The following SLC2A14 variants were observed in gnomAD, a reference collection of about 807,000 sequenced individuals.
SLC2A14 encodes solute carrier family 2, facilitated glucose transporter member 14.
In SLC2A14, 13 loss-of-function variants were observed where a neutral mutation model predicts 43.0. The observed-to-expected ratio is 0.30, with a 90% CI of 0.20 to 0.48. SLC2A14 has a LOEUF of 0.48. SLC2A14 is among the 20% of genes least tolerant of loss of function. The pLI, the probability that SLC2A14 is intolerant of heterozygous loss-of-function variation, is 0.99. For synonymous variants in SLC2A14, 190 were observed against 233.8 expected (o/e 0.81, Z 1.71); for missense variants, 428 against 620.4 (o/e 0.69, Z 3.29).
rs774810694 is a variant in SLC2A14 at position 7,883,016 on chromosome 12, C to G, written c.132+7980G>C. ...ACAAGGTCAGGAGTTCAAGACCATC[C>G]TGGCCAACATGGTGAAACCCTGTCT... is the stretch of plus-strand genomic sequence containing the variant. On this transcript the variant is annotated intron_variant, in intron 1 of 9. Coordinates refer to the SLC2A14 transcript ENST00000539924. 1.8e-4 allele frequency among the ~76,000 whole-genome samples: 27 copies of G among 151,914 alleles called. No homozygotes were observed. The South Asian group carries it at 2.1e-3, about 12-fold the overall frequency.
chr12:7,829,719 T>G, intron 5 of SLC2A14, 47 bp downstream of exon 5: 1 of 1,601,026 alleles, frequency 6.2e-7, no homozygotes, highest in Non-Finnish European at 8.5e-7. Flanking sequence ...ACTTTTTTAA[T>G]GACCCATGAA....
upstream of SLC2A14, among the ~76,000 whole-genome samples, chr12:7,874,914 TATAA>T (rs1164772744): frequency 1.0e-5 from 1 of 96,024 alleles, no homozygotes; most frequent in Non-Finnish European, 1.8e-5. Flanking sequence ...TAAATACATA[TATAA>T]ATATATATTT....
rs1945133033 is a variant in SLC2A14 at position 7,869,885 on chromosome 12, C to G, written c.-5G>C. 5 of 1,528,604 alleles carry G rather than the reference C, an allele frequency of 3.3e-6. No individual in the cohort carries two copies. Among genetic ancestry groups the G allele is most frequent in the East Asian group, 2.4e-5 (1 of 40,860 alleles). 94.7% of individuals were successfully genotyped at this position (1,528,604 alleles called of 1,614,324 possible). ...CACATTCTGTCTGTTGTCCATCTCT[C>G]TGCTATCCTAGGAATTGACTCCCTC... On this transcript the variant is annotated 5_prime_UTR_variant, in exon 2 of 11. Coordinates refer to ENST00000431042, the MANE Select transcript of SLC2A14 (RefSeq NM_001286234.2).
intron 10 of SLC2A14, 128 bp downstream of exon 10, chr12:7,817,703 G>C: frequency 8.8e-7 from 1 of 1,133,244 alleles, no homozygotes; most frequent in East Asian, 2.7e-5. Context: ...AGCTGAGATC[G>C]GGCAACTGCA....
intron 2 of SLC2A14, chr12:7,863,500 G>T (rs1944723798): frequency 2.3e-6 from 1 of 431,586 alleles, no homozygotes; most frequent in Non-Finnish European, 4.6e-6. Context: ...GCTGGTGCAT[G>T]CCTGTAGTCC....
In SLC2A14 at chr12:7,835,650, T is replaced by C. The variant is rs553275525; in HGVS notation, c.19-2836A>G. On this transcript the variant is annotated intron_variant, in intron 2 of 10. Transcript: ENST00000431042. ...ATGATAACCAGGTGGAAAACAAACA[T>C]AAAATCTAAAGTCAGGGAACACAAG... Among the ~76,000 whole-genome samples the C allele has an allele frequency of 1.6e-3, 244 of 152,154 alleles. 1 individual carries two copies. The highest frequency in any genetic ancestry group is 5.7e-3 in the African/African-American group (236 of 41,522).
intron 1 of SLC2A14, 35 bp downstream of exon 1, chr12:7,872,772 A>AC: frequency 5.1e-6 from 5 of 981,634 alleles, no homozygotes; most frequent in Non-Finnish European, 6.0e-6. Context: ...TCATTCCCGC[A>AC]CCCCCCGGCC....
intron 2 of SLC2A14, among the ~76,000 whole-genome samples, chr12:7,844,826 G>T (rs73055496): frequency 0.093 from 14,116 of 151,902 alleles, 733 homozygotes; most frequent in African/African-American, 0.14. Context: ...GTGAGCCACC[G>T]CACCGGGCTG....
At chr12:7,842,494 C>A (rs1355830734) in intron 2 of SLC2A14, among the ~76,000 whole-genome samples, 5 of 152,144 alleles carry the variant, frequency 3.3e-5, no homozygotes, top group Non-Finnish European at 7.4e-5. Flanking sequence ...TATACAAGTG[C>A]CAATATATAA....
intron 7 of SLC2A14, among the ~76,000 whole-genome samples, chr12:7,823,341 C>T (rs1259093536): frequency 4.6e-5 from 7 of 150,946 alleles, no homozygotes; most frequent in African/African-American, 1.7e-4. Context: ...TGAGATTGTG[C>T]CACTGCACTC....
upstream of SLC2A14, chr12:7,873,078 C>G: frequency 1.0e-6 from 1 of 985,502 alleles, no homozygotes; most frequent in Non-Finnish European, 1.2e-6. Flanking sequence ...CCCGGCTTCT[C>G]ACCTGCGCAC....
At chr12:7,880,856 T>TTAGC (rs1158117130) in intron 1 of SLC2A14, among the ~76,000 whole-genome samples, 14 of 151,444 alleles carry the variant, frequency 9.2e-5, no homozygotes, top group Non-Finnish European at 2.1e-4. Flanking sequence ...AATACAAAAA[T>TTAGC]TGGCCAGGCG....
In SLC2A14 at chr12:7,814,475, G is replaced by A. The variant is rs11837392; in HGVS notation, c.1335C>T (p.Ala445=). The A allele has an allele frequency of 0.039, 63,312 of 1,611,618 alleles. 3,139 individuals are homozygous for A. Among genetic ancestry groups the A allele is most frequent in the East Asian group, 0.18 (8,225 of 44,712 alleles). Residue 445 remains alanine, a synonymous_variant, in exon 11 of 11, where the codon GCC becomes GCT. Coordinates refer to ENST00000431042, the MANE Select transcript of SLC2A14 (RefSeq NM_001286234.2). ...TCTCAGGGACTTTGAAGAAGGTAAAGGCCAAGAAGGTAATGAGGAAGCCGG... is the reference window on the plus strand; with the variant it reads ...TCTCAGGGACTTTGAAGAAGGTAAAAGCCAAGAAGGTAATGAGGAAGCCGG... ...IFTGFLITFL[A]FTFFKVPETR...
upstream of SLC2A14, among the ~76,000 whole-genome samples, chr12:7,875,190 T>C (rs1317245161): frequency 7.5e-6 from 1 of 132,582 alleles, no homozygotes; most frequent in African/African-American, 2.7e-5. Flanking sequence ...AATATATAAA[T>C]ATATTAAAAT....
At chr12:7,834,293 T>G (rs1253106904) in intron 2 of SLC2A14, among the ~76,000 whole-genome samples, 2 of 151,956 alleles carry the variant, frequency 1.3e-5, no homozygotes, top group Non-Finnish European at 2.9e-5. Context: ...CCAAGGCTGG[T>G]CTCAAACTCC....
At chr12:7,815,764 T>C (rs1863385179) in intron 10 of SLC2A14, among the ~76,000 whole-genome samples, 1 of 151,794 alleles carries the variant, frequency 6.6e-6, no homozygotes, top group Admixed American at 6.6e-5. Flanking sequence ...TTAGTAGAGG[T>C]GGGGATTTTC....
Position 7,821,095 on chromosome 12 carries a change from T to A in SLC2A14, c.969+126A>T, listed in dbSNP as rs771273092. 6.1e-5 allele frequency: 43 copies of A among 709,394 alleles called. 1 individual carries two copies. The highest frequency in any genetic ancestry group is 4.4e-4 in the South Asian group (20 of 45,620). 43.9% of individuals were successfully genotyped at this position (709,394 alleles called of 1,614,324 possible). Reference sequence around the variant, plus strand: ...GAGCAAGACTCTGTCTCAAAAAATTTAAAAAAATAAAAATAAATAACAAAA... The same window carrying A: ...GAGCAAGACTCTGTCTCAAAAAATTAAAAAAAATAAAAATAAATAACAAAA... On this transcript the variant is annotated intron_variant, in intron 8 of 10. Transcript: ENST00000431042.
intron 3 of SLC2A14, 147 bp from the exon 4 acceptor site, chr12:7,831,911 C>T (rs1038350462): frequency 9.3e-6 from 8 of 863,234 alleles, no homozygotes; most frequent in Non-Finnish European, 1.4e-5. Context: ...GAGTTGCAGA[C>T]CAACCTGACC....
At chr12:7,867,408 CTT>C in intron 2 of SLC2A14, among the ~76,000 whole-genome samples, 1 of 151,262 alleles carries the variant, frequency 6.6e-6, no homozygotes, top group Non-Finnish European at 1.5e-5. Context: ...GGGTTCAAGA[CTT>C]AAGTGGAGGA....
Sources: allele counts gnomAD v4.1 joint callset (sites outside exome capture counted in the v4.1 genomes callset), GRCh38; gene constraint gnomAD v4.1.1; transcripts MANE v1.5; gene names NCBI Gene and HGNC (gene_info 2026-07-23, HGNC 2026-07-21).